The following SLC25A21 variants were observed in gnomAD, a reference collection of about 807,000 sequenced individuals.
SLC25A21 encodes the protein solute carrier family 25 member 21.
SLC25A21 carries 47 observed loss-of-function variants against 43.8 expected under a neutral mutation model. The ratio of observed to expected loss-of-function variants is 1.07; its 90% CI spans 0.85 to 1.37. SLC25A21 has a LOEUF of 1.37. Among genes scored for constraint, SLC25A21 ranks in the 40% most tolerant of loss-of-function variants. The pLI is 0.00. For missense variants in SLC25A21, 352 were observed against 350.2 expected (o/e 1.00, Z -0.04); for synonymous variants, 131 against 121.3 (o/e 1.08, Z -0.52).
intron 7 of SLC25A21, among the ~76,000 whole-genome samples, chr14:36,709,167 C>T (rs1278198669): frequency 1.3e-5 from 2 of 152,088 alleles, no homozygotes; most frequent in Non-Finnish European, 2.9e-5. Context: ...GCCATGATGC[C>T]CAGCTAATTT....
rs78287695 is a variant in SLC25A21 at position 36,833,072 on chromosome 14, T to C, written c.120-19071A>G. Among the ~76,000 whole-genome samples the C allele has an allele frequency of 3.3e-3, 508 of 152,324 alleles. 3 individuals carry two copies. Among genetic ancestry groups the C allele is most frequent in the Middle Eastern group, 0.01 (3 of 294 alleles). On this transcript the variant is annotated intron_variant, in intron 2 of 9. Coordinates refer to ENST00000331299, the MANE Select transcript of SLC25A21 (RefSeq NM_030631.4). ...TATCTATAAAGTGCATAGCAAGCTA[T>C]ATCAGGCATTAAGGATACCAAAAAG...
intron 1 of SLC25A21, among the ~76,000 whole-genome samples, chr14:36,888,312 CAATTT>C (rs958947945): frequency 3.9e-5 from 6 of 152,136 alleles, no homozygotes; most frequent in Admixed American, 3.9e-4. Flanking sequence ...CTGTTCATCA[CAATTT>C]AATAATAAAA....
chr14:36,922,933 A>T (rs1892022046), intron 1 of SLC25A21, among the ~76,000 whole-genome samples: 1 of 152,184 alleles, frequency 6.6e-6, no homozygotes. Flanking sequence ...CAATGCCCAG[A>T]ATTCAACTGA....
chr14:36,715,341 C>T (rs1206053898), intron 6 of SLC25A21, among the ~76,000 whole-genome samples: 1 of 152,112 alleles, frequency 6.6e-6, no homozygotes, highest in East Asian at 1.9e-4. Context: ...CACTAGGATG[C>T]TTAAATAGGA....
chr14:37,053,055 ATC>A (rs1325450806), intron 1 of SLC25A21, among the ~76,000 whole-genome samples: 1 of 152,342 alleles, frequency 6.6e-6, no homozygotes, highest in Non-Finnish European at 1.5e-5. Context: ...AAATCAATAT[ATC>A]TGTTTTATTT....
At chr14:36,718,845 T>C (rs757255348) in intron 6 of SLC25A21, among the ~76,000 whole-genome samples, 2 of 152,250 alleles carry the variant, frequency 1.3e-5, no homozygotes, top group Admixed American at 6.5e-5. Flanking sequence ...CAGAGCAAGA[T>C]AGAACACTAA....
intron 1 of SLC25A21, among the ~76,000 whole-genome samples, chr14:37,043,784 T>G (rs1413598170): frequency 6.6e-6 from 1 of 152,002 alleles, no homozygotes; most frequent in Non-Finnish European, 1.5e-5. Context: ...TCTCCCAGGC[T>G]GGAGTGCAGT....
chr14:36,865,354 C>T (rs1038113093), intron 2 of SLC25A21, among the ~76,000 whole-genome samples: 1 of 152,120 alleles, frequency 6.6e-6, no homozygotes, highest in African/African-American at 2.4e-5. Context: ...TCTGTAACAA[C>T]CAATATACTC....
intron 2 of SLC25A21, among the ~76,000 whole-genome samples, chr14:36,849,082 T>C (rs1175006739): frequency 2.0e-5 from 3 of 152,206 alleles, no homozygotes; most frequent in Non-Finnish European, 2.9e-5. Flanking sequence ...TCTTGGAGCT[T>C]CTAATATATT....
rs1263901904 is a variant in SLC25A21, at chr14:36,903,995, C to T, written c.71-28991G>A. On this transcript the variant is annotated intron_variant, in intron 1 of 9. Coordinates refer to ENST00000331299, the MANE Select transcript of SLC25A21 (RefSeq NM_030631.4). The stretch of plus-strand genomic sequence containing the variant: ...TCAAATACAGAATAGTTAGAATAAA[C>T]GCTCAGGCAATTGAGGACAAACTGT... Among the ~76,000 whole-genome samples, 8 of 152,140 alleles carry T rather than the reference C, an allele frequency of 5.3e-5. No individual in the cohort carries two copies. The East Asian group carries it at 5.8e-4, about 11-fold the overall frequency.
chr14:37,169,330 G>T (rs575444338), intron 1 of SLC25A21, among the ~76,000 whole-genome samples: 136 of 152,096 alleles, frequency 8.9e-4, no homozygotes, highest in African/African-American at 3.1e-3. Context: ...AATACTTGTG[G>T]CCCTATTATT....
intron 1 of SLC25A21, among the ~76,000 whole-genome samples, chr14:37,096,565 CT>C (rs1300651068): frequency 6.6e-6 from 1 of 151,984 alleles, no homozygotes; most frequent in Non-Finnish European, 1.5e-5. Context: ...TCATTAATTT[CT>C]TTTTTCTCCT....
chr14:37,021,339 T>C (rs1327518338), intron 1 of SLC25A21, among the ~76,000 whole-genome samples: 9 of 151,898 alleles, frequency 5.9e-5, no homozygotes, highest in African/African-American at 1.9e-4. Flanking sequence ...ACCAAGTAAA[T>C]AGGACAACAA....
intron 1 of SLC25A21, among the ~76,000 whole-genome samples, chr14:37,130,450 C>T (rs957463416): frequency 8.5e-5 from 13 of 152,270 alleles, no homozygotes; most frequent in African/African-American, 3.1e-4. Context: ...TCTGTGTTAA[C>T]ATGGAAACTG....
intron 1 of SLC25A21, among the ~76,000 whole-genome samples, chr14:37,168,647 G>A (rs1019480741): frequency 2.7e-5 from 4 of 148,678 alleles, no homozygotes; most frequent in Non-Finnish European, 6.0e-5. Flanking sequence ...GACTAGAACC[G>A]AAAAAAAAAG....
At chr14:36,710,828 TTAAC>T (rs1327215837) in intron 7 of SLC25A21, among the ~76,000 whole-genome samples, 7 of 152,180 alleles carry the variant, frequency 4.6e-5, no homozygotes, top group Non-Finnish European at 1.0e-4. Context: ...GAAGAATTGA[TTAAC>T]TACCCTAATT....
chr14:36,834,527 GTTGAT>G (rs1292234086), intron 2 of SLC25A21, among the ~76,000 whole-genome samples: 1 of 152,122 alleles, frequency 6.6e-6, no homozygotes, highest in Non-Finnish European at 1.5e-5. Context: ...ACCTTGGTAC[GTTGAT>G]TTCTCAGTAA....
In SLC25A21 at chr14:37,034,918, T is replaced by C. The variant is rs151331052; in HGVS notation, c.70+137363A>G. Among the ~76,000 whole-genome samples, 813 of 152,310 alleles carry C rather than the reference T, an allele frequency of 5.3e-3. 6 individuals carry two copies. Among genetic ancestry groups the C allele is most frequent in the African/African-American group, 0.018 (759 of 41,564 alleles). ...GCTGAATACTTAAATCCCTGCCTAATAGGAGCATTTGGGCCAGGCCCAATC... is the reference window on the plus strand; with the variant it reads ...GCTGAATACTTAAATCCCTGCCTAACAGGAGCATTTGGGCCAGGCCCAATC... On this transcript the variant is annotated intron_variant, in intron 1 of 9. Coordinates refer to ENST00000331299, the MANE Select transcript of SLC25A21 (RefSeq NM_030631.4).
intron 2 of SLC25A21, among the ~76,000 whole-genome samples, chr14:36,854,680 G>A (rs541017248): frequency 6.6e-6 from 1 of 152,294 alleles, no homozygotes; most frequent in South Asian, 2.1e-4. Context: ...AATAATAAAT[G>A]GTAGTCTGGT....
Sources: gnomAD v4.1 joint callset for allele counts (sites outside exome capture counted in the v4.1 genomes callset) on GRCh38, gnomAD v4.1.1 for gene constraint, MANE v1.5 for transcripts, NCBI Gene and HGNC (gene_info 2026-07-23, HGNC 2026-07-21) for gene names.